Variants in ARHGAP10 observed in about 807,000 individuals in gnomAD.
ARHGAP10 encodes the protein Rho GTPase activating protein 10.
A neutral mutation model predicts 108.6 loss-of-function variants in ARHGAP10; 87 were observed. The observed-to-expected ratio is 0.80, with a 90% CI of 0.67 to 0.96. The LOEUF (loss-of-function observed/expected upper bound fraction) is 0.96. Ranked by LOEUF, ARHGAP10 falls within the 40% of genes least tolerant of loss-of-function variation. The pLI, the probability that ARHGAP10 is intolerant of heterozygous loss-of-function variation, is 0.00. For missense variants in ARHGAP10, 939 were observed against 954.5 expected (o/e 0.98, Z 0.21); for synonymous variants, 347 against 341.1 (o/e 1.02, Z -0.19).
intron 20 of ARHGAP10, among the ~76,000 whole-genome samples, chr4:148,053,782 C>T (rs1017520060): frequency 6.6e-6 from 1 of 152,176 alleles, no homozygotes; most frequent in African/African-American, 2.4e-5. Context: ...TGCTTCGATA[C>T]ACATCCATTG....
chr4:148,025,173 A>G (rs759727202), intron 19 of ARHGAP10, among the ~76,000 whole-genome samples: 2 of 152,240 alleles, frequency 1.3e-5, no homozygotes, highest in Non-Finnish European at 2.9e-5. Context: ...CTAGTGTACA[A>G]TCACAGCCTT....
chr4:147,868,126 C>G (rs983891314), intron 7 of ARHGAP10, among the ~76,000 whole-genome samples: 5 of 151,934 alleles, frequency 3.3e-5, no homozygotes, highest in Non-Finnish European at 7.4e-5. Flanking sequence ...TGTGGTATGA[C>G]TATAATGTGA....
At chr4:147,972,373 TC>T (rs1739445934) in intron 18 of ARHGAP10, among the ~76,000 whole-genome samples, 1 of 152,150 alleles carries the variant, frequency 6.6e-6, no homozygotes. Context: ...TGTAATAGTA[TC>T]CCTGTATGGG....
intron 18 of ARHGAP10, among the ~76,000 whole-genome samples, chr4:147,973,214 G>A (rs1739477236): frequency 6.6e-6 from 1 of 152,170 alleles, no homozygotes. Context: ...TAGACATGGA[G>A]GGGAAGGACA....
chr4:147,900,927 C>T (rs1736211020), intron 10 of ARHGAP10, among the ~76,000 whole-genome samples: 1 of 152,146 alleles, frequency 6.6e-6, no homozygotes, highest in African/African-American at 2.4e-5. Context: ...CTCAGCTTCC[C>T]AAAGTTTATT....
At chr4:148,043,614 AATATATATATATAT>A (rs57931206) in intron 19 of ARHGAP10, among the ~76,000 whole-genome samples, 49 of 54,998 alleles carry the variant, frequency 8.9e-4, no homozygotes, top group East Asian at 1.9e-3. Context: ...CCCTCTCTCT[AATATATATATATAT>A]ATATATATAT....
At chr4:147,867,863 CAAAAAAAAA>C (rs56740685) in intron 7 of ARHGAP10, among the ~76,000 whole-genome samples, 28 of 56,904 alleles carry the variant, frequency 4.9e-4, no homozygotes, top group African/African-American at 1.5e-3. Context: ...GACTCTGTCT[CAAAAAAAAA>C]AAAAAAAAAA....
intron 19 of ARHGAP10, among the ~76,000 whole-genome samples, chr4:148,029,756 T>C (rs1728051155): frequency 1.3e-5 from 2 of 152,240 alleles, no homozygotes; most frequent in South Asian, 4.1e-4. Flanking sequence ...AGCAGTGTTA[T>C]GATTCCTTGA....
intron 19 of ARHGAP10, among the ~76,000 whole-genome samples, chr4:148,026,061 G>A (rs1741753349): frequency 6.6e-6 from 1 of 152,192 alleles, no homozygotes; most frequent in Admixed American, 6.5e-5. Flanking sequence ...GTTAGGTGTA[G>A]ACTATCTGCC....
chr4:147,854,826 T>G (rs1734024172), intron 4 of ARHGAP10: 1 of 985,282 alleles, frequency 1.0e-6, no homozygotes. Context: ...GACGAAGATA[T>G]TTCTATTCTA....
At chr4:148,034,749 G>A (rs1005903428) in intron 19 of ARHGAP10, among the ~76,000 whole-genome samples, 1 of 152,142 alleles carries the variant, frequency 6.6e-6, no homozygotes, top group African/African-American at 2.4e-5. Context: ...GTTGTACTCT[G>A]AGCACAGTGC....
intron 11 of ARHGAP10, among the ~76,000 whole-genome samples, chr4:147,908,185 T>C (rs1364334714): frequency 1.3e-5 from 2 of 152,194 alleles, no homozygotes; most frequent in African/African-American, 4.8e-5. Flanking sequence ...AATTTTTAGC[T>C]GTGAATCAAG....
chr4:148,017,682 A>ATATATATATATATATATATATGTG (rs1437383455), intron 18 of ARHGAP10, among the ~76,000 whole-genome samples: 5 of 135,260 alleles, frequency 3.7e-5, no homozygotes, highest in Non-Finnish European at 6.2e-5. Flanking sequence ...ATATATATAT[A>ATATATATATATATATATATATGTG]TGTGTGTGTA....
intron 1 of ARHGAP10, among the ~76,000 whole-genome samples, chr4:147,820,385 A>G (rs1166155012): frequency 6.6e-6 from 1 of 152,104 alleles, no homozygotes; most frequent in Non-Finnish European, 1.5e-5. Flanking sequence ...TCCTGAGTTC[A>G]AGCGATTCTC....
chr4:147,949,259 A>G (rs2126975445), intron 15 of ARHGAP10, among the ~76,000 whole-genome samples: 1 of 152,348 alleles, frequency 6.6e-6, no homozygotes, highest in South Asian at 2.1e-4. Context: ...ATAGTGACTA[A>G]TTGTGGTTTA....
At chr4:147,823,014 G>C in intron 3 of ARHGAP10, 57 bp downstream of exon 3, 2 of 1,510,628 alleles carry the variant, frequency 1.3e-6, no homozygotes, top group African/African-American at 2.8e-5. Context: ...AAAAAATCTG[G>C]ATTTGGAAGC....
intron 1 of ARHGAP10, chr4:147,782,595 A>G (rs1349378665): frequency 6.6e-6 from 1 of 151,952 alleles, no homozygotes; most frequent in Non-Finnish European, 1.5e-5. Flanking sequence ...CGGTTCAGTC[A>G]CTGCTAATAT....
At chr4:147,799,243 T>C (rs1484156572) in intron 1 of ARHGAP10, among the ~76,000 whole-genome samples, 1 of 152,076 alleles carries the variant, frequency 6.6e-6, no homozygotes, top group Non-Finnish European at 1.5e-5. Context: ...TTTTGCCATG[T>C]TTGCCAGGCT....
intron 3 of ARHGAP10, among the ~76,000 whole-genome samples, chr4:147,846,590 C>T (rs907623000): frequency 6.6e-6 from 1 of 152,060 alleles, no homozygotes; most frequent in Non-Finnish European, 1.5e-5. Flanking sequence ...TGTGAGCTTC[C>T]CTGATGTCAT....
Sources: allele counts gnomAD v4.1 joint callset (sites outside exome capture counted in the v4.1 genomes callset), GRCh38; gene constraint gnomAD v4.1.1; transcripts MANE v1.5; gene names NCBI Gene and HGNC (gene_info 2026-07-23, HGNC 2026-07-21).